The following DPP6 variants were observed in gnomAD, a reference collection of about 807,000 sequenced individuals.
DPP6 encodes the protein A-type potassium channel modulatory protein DPP6.
Under a neutral mutation model 122.6 loss-of-function variants are expected in DPP6, and 69 were observed. That is an observed-to-expected ratio of 0.56 (90% CI 0.46 to 0.69). The LOEUF is 0.69. DPP6 is among the 30% of genes least tolerant of loss of function. DPP6 has a pLI of 0.00. For synonymous variants in DPP6, 418 were observed against 433.1 expected, an observed-to-expected ratio of 0.97 and a Z score of 0.43; for missense variants, 928 against 1,116.9, an observed-to-expected ratio of 0.83 and a Z score of 2.41.
At chr7:154,726,292 C>A (rs1563144710) in intron 7 of DPP6, among the ~76,000 whole-genome samples, 1 of 152,212 alleles carries the variant, frequency 6.6e-6, no homozygotes, top group African/African-American at 2.4e-5. Flanking sequence ...TAGAGGATCT[C>A]CATGAGGGCT....
chr7:153,875,636 A>G, the DPP6 span, among the ~76,000 whole-genome samples: 1 of 152,096 alleles, frequency 6.6e-6, no homozygotes, highest in Non-Finnish European at 1.5e-5. Flanking sequence ...GATTATCAAT[A>G]TAAGATTCTA....
chr7:154,892,292 G>A (rs370898786), intron 25 of DPP6, 42 bp from the exon 26 acceptor site: 8 of 1,613,608 alleles, frequency 5.0e-6, no homozygotes, highest in Non-Finnish European at 6.8e-6. Flanking sequence ...CCCCTGGGGA[G>A]CGTATACCTG....
chr7:154,290,747 G>A (rs1020082991), intron 1 of DPP6, among the ~76,000 whole-genome samples: 6 of 151,844 alleles, frequency 4.0e-5, no homozygotes, highest in Non-Finnish European at 5.9e-5. Context: ...TGGTGTTCCC[G>A]CGGGGCTTCT....
At chr7:154,672,047 C>G (rs1838598764) in intron 7 of DPP6, among the ~76,000 whole-genome samples, 1 of 151,992 alleles carries the variant, frequency 6.6e-6, no homozygotes, top group African/African-American at 2.4e-5. Context: ...TATTATAATC[C>G]CCATGTGTCA....
chr7:153,855,843 C>A, the DPP6 span, among the ~76,000 whole-genome samples: 11 of 150,434 alleles, frequency 7.3e-5, no homozygotes, highest in East Asian at 1.9e-4. Flanking sequence ...CTTCTAGATT[C>A]AAAAAAAAAT....
intron 11 of DPP6, among the ~76,000 whole-genome samples, chr7:154,795,425 G>A (rs1797983849): frequency 6.6e-6 from 1 of 152,176 alleles, no homozygotes; most frequent in Non-Finnish European, 1.5e-5. Flanking sequence ...CACCAGGAGT[G>A]TTACTCAGTA....
At chr7:154,287,031 G>C (rs1032598380) in intron 1 of DPP6, among the ~76,000 whole-genome samples, 1 of 152,108 alleles carries the variant, frequency 6.6e-6, no homozygotes, top group Non-Finnish European at 1.5e-5. Flanking sequence ...CTAAACTCCT[G>C]ACCTCAAGTG....
intron 5 of DPP6, among the ~76,000 whole-genome samples, chr7:154,569,125 G>A (rs1360958788): frequency 6.6e-6 from 1 of 150,450 alleles, no homozygotes; most frequent in Non-Finnish European, 1.5e-5. Flanking sequence ...ATGGGATTCT[G>A]CATGAGAATT....
chr7:153,852,053 G>A, the DPP6 span, among the ~76,000 whole-genome samples: 1 of 152,062 alleles, frequency 6.6e-6, no homozygotes, highest in African/African-American at 2.4e-5. Flanking sequence ...TTGATTGTGT[G>A]TTATTCAGCC....
chr7:153,833,424 A>T, the DPP6 span, among the ~76,000 whole-genome samples: 10 of 152,362 alleles, frequency 6.6e-5, no homozygotes, highest in Non-Finnish European at 1.2e-4. Flanking sequence ...CTGTAATCCC[A>T]GCACTTTGGG....
chr7:154,607,282 G>A (rs1833617516), intron 5 of DPP6, among the ~76,000 whole-genome samples: 1 of 119,160 alleles, frequency 8.4e-6, no homozygotes, highest in African/African-American at 2.7e-5. Flanking sequence ...AAGTTGAGCC[G>A]GGCGCGGTGG....
intron 1 of DPP6, among the ~76,000 whole-genome samples, chr7:154,280,206 G>T (rs1035257936): frequency 6.6e-6 from 1 of 152,234 alleles, no homozygotes. Flanking sequence ...ATAAAAAAAG[G>T]TTTCTATTAC....
intron 1 of DPP6, among the ~76,000 whole-genome samples, chr7:154,042,123 A>C (rs1388802882): frequency 6.6e-6 from 1 of 152,182 alleles, no homozygotes; most frequent in African/African-American, 2.4e-5. Context: ...CTATGTTCAA[A>C]GACAGAAAAC....
chr7:154,053,105 G>A (rs1224918313), intron 1 of DPP6, 42 bp downstream of exon 1: 8 of 1,068,844 alleles, frequency 7.5e-6, no homozygotes, highest in Non-Finnish European at 9.1e-6. Flanking sequence ...CGGGTTCTCC[G>A]GGCTGAGCGC....
intron 1 of DPP6, among the ~76,000 whole-genome samples, chr7:154,242,400 A>G (rs200693714): frequency 2.7e-4 from 37 of 134,816 alleles, no homozygotes; most frequent in African/African-American, 8.0e-4. Flanking sequence ...GTGTGTGTGT[A>G]TGTGTGTGAG....
intron 7 of DPP6, among the ~76,000 whole-genome samples, chr7:154,670,114 C>T (rs1255649438): frequency 6.6e-6 from 1 of 152,222 alleles, no homozygotes; most frequent in Non-Finnish European, 1.5e-5. Context: ...CCCGCCTCAG[C>T]CTCCCAAAGT....
chr7:153,944,013 G>A (rs1039321035), intron 1 of DPP6, among the ~76,000 whole-genome samples: 2 of 152,114 alleles, frequency 1.3e-5, no homozygotes, highest in African/African-American at 2.4e-5. Flanking sequence ...CCCCACTTAG[G>A]CAAATGAGCA....
chr7:154,786,786 A>G (rs977947259), intron 10 of DPP6, among the ~76,000 whole-genome samples: 1 of 152,056 alleles, frequency 6.6e-6, no homozygotes, highest in Admixed American at 6.6e-5. Flanking sequence ...TAATATATCT[A>G]TGTGTGTGTT....
chr7:153,856,111 AC>A, the DPP6 span, among the ~76,000 whole-genome samples: 1 of 152,154 alleles, frequency 6.6e-6, no homozygotes, highest in Admixed American at 6.6e-5. Flanking sequence ...TCAGATCATG[AC>A]AATTCTCTGG....
Sources: allele counts gnomAD v4.1 joint callset (sites outside exome capture counted in the v4.1 genomes callset), GRCh38; gene constraint gnomAD v4.1.1; transcripts MANE v1.5; gene names NCBI Gene and HGNC (gene_info 2026-07-23, HGNC 2026-07-21).